Variants in GLT1D1 observed in about 807,000 individuals in gnomAD.
The protein encoded by GLT1D1 is glycosyltransferase 1 domain-containing protein 1.
A neutral mutation model predicts 28.7 loss-of-function variants in GLT1D1; 21 were observed. The observed-to-expected ratio is 0.73, with a 90% CI of 0.52 to 1.05. The LOEUF is 1.05. Ranked by LOEUF, GLT1D1 falls within the 50% of genes least tolerant of loss-of-function variation. The pLI is 0.00. For synonymous variants in GLT1D1, 147 were observed against 124.8 expected (o/e 1.18, Z -1.19); for missense variants, 343 against 330.6 (o/e 1.04, Z -0.29).
intron 7 of GLT1D1, among the ~76,000 whole-genome samples, chr12:128,967,123 T>C (rs470528): frequency 0.055 from 8,312 of 152,286 alleles, 735 homozygotes; most frequent in African/African-American, 0.19. Flanking sequence ...GCTTGGAGGT[T>C]CTGTTTGTAT....
intron 7 of GLT1D1, among the ~76,000 whole-genome samples, chr12:128,967,984 T>C (rs1878629878): frequency 6.6e-6 from 1 of 152,202 alleles, no homozygotes; most frequent in African/African-American, 2.4e-5. Flanking sequence ...ATGCAAAACT[T>C]ATGTGGATTT....
Position 128,926,228 on chromosome 12 carries a change from A to G in GLT1D1, c.376-19098A>G, listed in dbSNP as rs1309598996. 1,162 of 230,146 alleles carry G rather than the reference A, an allele frequency of 5.0e-3. 15 individuals carry two copies. The highest frequency in any genetic ancestry group is 0.026 in the African/African-American group (1,089 of 41,946). 14.3% of individuals were successfully genotyped at this position (230,146 alleles called of 1,614,324 possible). A position where few individuals can be genotyped will look rare whatever the true frequency, so the allele number is the denominator to read the frequency against. ...AATAATAATAATAATAATAATAATAATAATAATAAGAGTAGGAGAAGCTGG... is the reference window on the plus strand; with the variant it reads ...AATAATAATAATAATAATAATAATAGTAATAATAAGAGTAGGAGAAGCTGG... On this transcript the variant is annotated intron_variant, in intron 4 of 7. Coordinates refer to ENST00000281703, the MANE Select transcript of GLT1D1 (RefSeq NM_144669.3).
chr12:128,875,254 A>T (rs1299200962), intron 1 of GLT1D1, among the ~76,000 whole-genome samples: 1 of 152,178 alleles, frequency 6.6e-6, no homozygotes, highest in Non-Finnish European at 1.5e-5. Context: ...GAAATAGAAA[A>T]GGAGCTGCTG....
intron 4 of GLT1D1, 91 bp from the exon 6 acceptor site, chr12:128,914,842 T>C: frequency 1.1e-6 from 1 of 871,198 alleles, no homozygotes; most frequent in Non-Finnish European, 1.8e-6. Context: ...ATAATAGTAA[T>C]AATAATAATA....
chr12:128,890,248 T>C (rs1366748701), intron 3 of GLT1D1, among the ~76,000 whole-genome samples: 2 of 152,180 alleles, frequency 1.3e-5, no homozygotes, highest in African/African-American at 4.8e-5. Flanking sequence ...ACACGCCTTC[T>C]CTGCGCAGCT....
chr12:128,968,153 A>G (rs772091390), intron 7 of GLT1D1, among the ~76,000 whole-genome samples: 7 of 151,556 alleles, frequency 4.6e-5, no homozygotes, highest in Non-Finnish European at 8.8e-5. Context: ...CTGCCACCAC[A>G]CCTGGCTAAT....
At chr12:128,906,524 C>A (rs1870886028) in intron 4 of GLT1D1, among the ~76,000 whole-genome samples, 1 of 152,126 alleles carries the variant, frequency 6.6e-6, no homozygotes, top group African/African-American at 2.4e-5. Context: ...AATAAGCATT[C>A]TTCTAAGAGG....
intron 7 of GLT1D1, among the ~76,000 whole-genome samples, chr12:128,960,431 C>T (rs1186568493): frequency 1.3e-5 from 2 of 152,074 alleles, no homozygotes; most frequent in African/African-American, 4.8e-5. Flanking sequence ...ATGAAAGGAA[C>T]CACTAGTGGG....
chr12:128,866,462 G>A (rs1000866300), intron 1 of GLT1D1, among the ~76,000 whole-genome samples: 1 of 151,814 alleles, frequency 6.6e-6, no homozygotes, highest in Middle Eastern at 3.2e-3. Flanking sequence ...TGGTCACCAT[G>A]CTGTACAAGC....
chr12:128,944,317 A>G, intron 4 of GLT1D1: 3 of 689,010 alleles, frequency 4.4e-6, no homozygotes, highest in South Asian at 2.7e-5. Context: ...GTCAGTTTGG[A>G]GGAAAGCATA....
intron 6 of GLT1D1, among the ~76,000 whole-genome samples, chr12:128,947,718 C>T (rs1420311553): frequency 6.6e-6 from 1 of 152,154 alleles, no homozygotes; most frequent in East Asian, 1.9e-4. Context: ...CCTCTCTGAC[C>T]TTCTAAATAT....
chr12:128,946,507 C>T (rs1465493781), intron 5 of GLT1D1, among the ~76,000 whole-genome samples: 6 of 151,480 alleles, frequency 4.0e-5, no homozygotes, highest in South Asian at 4.2e-4. Context: ...CCGCTGCGCC[C>T]GGCTAATCTT....
At chr12:128,907,350 G>C (rs966893383) in intron 4 of GLT1D1, among the ~76,000 whole-genome samples, 1 of 149,598 alleles carries the variant, frequency 6.7e-6, no homozygotes, top group Admixed American at 6.7e-5. Flanking sequence ...TTGTTGCCCA[G>C]GCTGGAGCAC....
intron 1 of GLT1D1, among the ~76,000 whole-genome samples, chr12:128,871,527 C>T (rs1008756871): frequency 6.6e-6 from 1 of 152,242 alleles, no homozygotes. Flanking sequence ...TGACACTTTA[C>T]GTTATGAAAA....
intron 7 of GLT1D1, among the ~76,000 whole-genome samples, chr12:128,959,404 G>T (rs1231887462): frequency 1.9e-5 from 1 of 52,706 alleles, no homozygotes; most frequent in Non-Finnish European, 3.4e-5. Context: ...CCAGCTTCAT[G>T]AGGCAGTGGG....
chr12:128,944,806 G>GTATA (rs138322800), intron 4 of GLT1D1: 45,793 of 223,710 alleles, frequency 0.2, 6,872 homozygotes, highest in Non-Finnish European at 0.28. Flanking sequence ...ATATATATAT[G>GTATA]TATATATATA....
intron 7 of GLT1D1, among the ~76,000 whole-genome samples, chr12:128,965,185 A>C (rs1878331791): frequency 6.6e-6 from 1 of 152,248 alleles, no homozygotes. Flanking sequence ...CCTCGTCATC[A>C]GAGCCCTTTA....
chr12:128,890,610 C>T (rs1471513586), intron 3 of GLT1D1, among the ~76,000 whole-genome samples: 1 of 151,914 alleles, frequency 6.6e-6, no homozygotes. Flanking sequence ...CACGGAGAAA[C>T]CCCATCTCTA....
intron 7 of GLT1D1, among the ~76,000 whole-genome samples, chr12:128,975,669 C>T (rs190188885): frequency 8.8e-4 from 134 of 152,272 alleles, no homozygotes; most frequent in African/African-American, 2.9e-3. Flanking sequence ...CCAGGCTGGG[C>T]TTGAACTCCT....
Sources: allele counts gnomAD v4.1 joint callset (sites outside exome capture counted in the v4.1 genomes callset), GRCh38; gene constraint gnomAD v4.1.1; transcripts MANE v1.5; gene names NCBI Gene and HGNC (gene_info 2026-07-23, HGNC 2026-07-21).